The following ASB11 variants were observed in gnomAD, a reference collection of about 807,000 sequenced individuals.
ASB11 encodes the protein ankyrin repeat and SOCS box protein 11.
In ASB11, 17 loss-of-function variants were observed where a neutral mutation model predicts 20.1. The ratio of observed to expected loss-of-function variants is 0.85; its 90% CI spans 0.58 to 1.27. The LOEUF is 1.27. ASB11 is among the 50% of genes most tolerant of loss of function. The pLI, the probability that ASB11 is intolerant of heterozygous loss-of-function variation, is 0.00. For missense variants in ASB11, 259 were observed against 256.9 expected, an observed-to-expected ratio of 1.01 and a Z score of -0.06; for synonymous variants, 107 against 105.6, an observed-to-expected ratio of 1.01 and a Z score of -0.08.
chrX:15,288,122 C>A, intron 5 of ASB11, 50 bp from the exon 6 acceptor site: 1 of 1,091,898 alleles, frequency 9.2e-7, no homozygotes, highest in South Asian at 2.2e-5. Flanking sequence ...ATGTAAAGCA[C>A]AATGAGCTTC....
chrX:15,308,589 G>A (rs1364768495), intron 1 of ASB11, among the ~76,000 whole-genome samples: 1 of 111,501 alleles, frequency 9.0e-6, no homozygotes, highest in Non-Finnish European at 1.9e-5. Context: ...CAGTGAAGGG[G>A]GGAAAAGCCT....
chrX:15,297,649 C>A lies in ASB11; in HGVS notation c.294G>T (p.Arg98=). ...GVNVNLVTIN[R]VSSLHEACLG... Reference sequence around the variant, plus strand: ...GGCATGCCTCGTGGAGAGAAGACACCCGGTTAATTGTCACAAGGTTCACAT... The same window carrying A: ...GGCATGCCTCGTGGAGAGAAGACACACGGTTAATTGTCACAAGGTTCACAT... Residue 98 remains arginine, a synonymous_variant, in exon 3 of 7, where the codon CGG becomes CGT. Transcript: ENST00000480796. The A allele has an allele frequency of 8.3e-7, 1 of 1,210,084 alleles. No individual in the cohort carries two copies. Among genetic ancestry groups the A allele is most frequent in the Admixed American group, 2.2e-5 (1 of 45,911 alleles).
At chrX:15,309,169 G>A (rs1361605326) in intron 1 of ASB11, among the ~76,000 whole-genome samples, 1 of 110,518 alleles carries the variant, frequency 9.0e-6, no homozygotes, top group Admixed American at 9.7e-5. Flanking sequence ...CACTTGCCTC[G>A]GCCTCCCAAA....
intron 2 of ASB11, among the ~76,000 whole-genome samples, chrX:15,299,851 A>G (rs1007480727): frequency 7.2e-5 from 8 of 111,144 alleles, no homozygotes; most frequent in Non-Finnish European, 1.3e-4. Context: ...CCAAAACCCA[A>G]TGCCATGACC....
chrX:15,315,595 C>A lies in ASB11; in HGVS notation c.11G>T (p.Gly4Val). 3 of 1,167,406 alleles carry A rather than the reference C, an allele frequency of 2.6e-6. No homozygotes were observed. The highest frequency in any genetic ancestry group is 2.1e-5 in the South Asian group (1 of 48,407). The change falls in exon 1 of 7, where the codon GGT becomes GTT. Residue 4 changes from glycine (G) to valine (V), a missense_variant. Coordinates refer to ENST00000480796, the MANE Select transcript of ASB11 (RefSeq NM_080873.3). MEDGPVFYGFKNIF... is the reference protein window; with the variant it reads MEDVPVFYGFKNIF... ...GTTTTTAAAGCCATAGAAAACAGGA[C>A]CATCTTCCATTTTGGCTTATGCTCT...
intron 1 of ASB11, among the ~76,000 whole-genome samples, chrX:15,309,596 A>T (rs967695279): frequency 7.2e-5 from 8 of 110,953 alleles, no homozygotes; most frequent in African/African-American, 2.6e-4. Flanking sequence ...TCTTCCATGA[A>T]ACCAGTCCCT....
At chrX:15,306,918 G>A (rs182952806) in intron 1 of ASB11, among the ~76,000 whole-genome samples, 9 of 111,738 alleles carry the variant, frequency 8.1e-5, no homozygotes, top group African/African-American at 2.9e-4. Context: ...GGGGTTGGTA[G>A]GACAGTCTTT....
In ASB11 at chrX:15,315,443, T is replaced by C; in HGVS notation, c.163A>G (p.Ile55Val). 9.0e-7 allele frequency: 1 copy of C among 1,113,697 alleles called. No homozygotes were observed. Among genetic ancestry groups the C allele is most frequent in the Non-Finnish European group, 1.2e-6 (1 of 849,587 alleles). 91.8% of individuals were successfully genotyped at this position (1,113,697 alleles called of 1,213,427 possible). Reference protein sequence around the residue: ...RKEAARIAEEIYGGISDCWAD... With the variant: ...RKEAARIAEEVYGGISDCWAD... ...CTTTTACCTGAAATTCCACCATAGA[T>C]CTCTTCTGCTATCCTAGCCGCTTCT... Residue 55 changes from isoleucine to valine, a missense_variant, in exon 1 of 7, where the codon ATC (isoleucine) becomes GTC (valine). By Grantham distance (29) the Ile-to-Val change is conservative. Coordinates refer to ENST00000480796, the MANE Select transcript of ASB11 (RefSeq NM_080873.3).
intron 4 of ASB11, among the ~76,000 whole-genome samples, chrX:15,291,163 C>T (rs931551012): frequency 1.8e-5 from 2 of 111,353 alleles, no homozygotes; most frequent in African/African-American, 6.5e-5. Context: ...GCTAATCATG[C>T]TTACATTCTG....
chrX:15,298,868 T>G (rs1920994496), intron 2 of ASB11, among the ~76,000 whole-genome samples: 1 of 111,998 alleles, frequency 8.9e-6, no homozygotes, highest in African/African-American at 3.2e-5. Flanking sequence ...GACTCCACTG[T>G]GTGCAGAGGT....
At chrX:15,301,869 TAA>T (rs1003193087) in intron 2 of ASB11, among the ~76,000 whole-genome samples, 11 of 111,993 alleles carry the variant, frequency 9.8e-5, no homozygotes, top group African/African-American at 3.6e-4. Context: ...TGCTTGTTCT[TAA>T]AATAGTGTAT....
chrX:15,293,891 TG>T (rs1302490826), intron 3 of ASB11, among the ~76,000 whole-genome samples: 2 of 15,079 alleles, frequency 1.3e-4, no homozygotes, highest in Non-Finnish European at 2.3e-4. Context: ...TGTTGTGGGG[TG>T]GGGGGAGGGG....
At chrX:15,303,457 A>G (rs948709137) in intron 1 of ASB11, among the ~76,000 whole-genome samples, 2 of 112,434 alleles carry the variant, frequency 1.8e-5, no homozygotes, top group African/African-American at 6.5e-5. Flanking sequence ...GCTCTGAGGG[A>G]TCAGTGAAAA....
At chrX:15,308,104 A>T (rs1469422716) in intron 1 of ASB11, among the ~76,000 whole-genome samples, 1 of 111,893 alleles carries the variant, frequency 8.9e-6, no homozygotes, top group African/African-American at 3.3e-5. Flanking sequence ...AACAAGAGGG[A>T]CAGGAAAGGG....
In ASB11 at chrX:15,296,091, A is replaced by T. The variant is rs185244847; in HGVS notation, c.369+1483T>A. Among the ~76,000 whole-genome samples, 328 of 111,761 alleles carry T rather than the reference A, an allele frequency of 2.9e-3. 5 individuals are homozygous for T. The highest frequency in any genetic ancestry group is 9.8e-3 in the African/African-American group (301 of 30,845). ...AAATACAAAAATTACTGCACTAAAA[A>T]TACAAAAATTAGCTGGACGTGGTGG... On this transcript the variant is annotated intron_variant, in intron 3 of 6. Transcript: ENST00000480796.
At chrX:15,284,201 G>A (rs985895975) in intron 6 of ASB11, among the ~76,000 whole-genome samples, 12 of 101,621 alleles carry the variant, frequency 1.2e-4, no homozygotes, top group Admixed American at 2.2e-4. Context: ...GCAGTGAGCC[G>A]AGATCGGGCC....
At chrX:15,309,043 A>C (rs1336197101) in intron 1 of ASB11, among the ~76,000 whole-genome samples, 2 of 111,205 alleles carry the variant, frequency 1.8e-5, no homozygotes, top group Non-Finnish European at 3.8e-5. Flanking sequence ...CAGCCTCCCG[A>C]GTAGCTGGGA....
In ASB11 at chrX:15,289,657, C is replaced by T; in HGVS notation, c.521-19G>A. The T allele has an allele frequency of 2.5e-6, 3 of 1,197,750 alleles. No homozygotes were observed. The South Asian group carries it at 5.4e-5, about 22-fold the overall frequency. ...CTGTGACCTGGTGGAACACAAGATA[C>T]CCTCACTCAAGTAAGGGACATATTA... On this transcript the variant is annotated intron_variant, in intron 4 of 6. Transcript: ENST00000480796.
chrX:15,287,349 C>T (rs976056960), intron 6 of ASB11, among the ~76,000 whole-genome samples: 8 of 112,781 alleles, frequency 7.1e-5, no homozygotes, highest in African/African-American at 1.9e-4. Context: ...TTTTTTGAGA[C>T]GGAGTCTCGC....
Sources: allele counts gnomAD v4.1 joint callset (sites outside exome capture counted in the v4.1 genomes callset), GRCh38; gene constraint gnomAD v4.1.1; transcripts MANE v1.5; gene names NCBI Gene and HGNC (gene_info 2026-07-23, HGNC 2026-07-21).